Variants in DLC1 observed in about 807,000 individuals in gnomAD.
DLC1 encodes DLC1 Rho GTPase activating protein.
Under a neutral mutation model 140.3 loss-of-function variants are expected in DLC1, and 54 were observed. The observed-to-expected ratio is 0.38, with a 90% CI of 0.31 to 0.48. The LOEUF (loss-of-function observed/expected upper bound fraction) is 0.48. Ranked by LOEUF, DLC1 falls within the 20% of genes least tolerant of loss-of-function variation. The pLI, the probability that DLC1 is intolerant of heterozygous loss-of-function variation, is 0.96. For missense variants in DLC1, 2,536 were observed against 1,907.0 expected (o/e 1.33, Z -6.14); for synonymous variants, 986 against 728.1 (o/e 1.35, Z -5.70).
chr8:13,265,995 A>T (rs1252835839), intron 5 of DLC1, among the ~76,000 whole-genome samples: 1 of 152,200 alleles, frequency 6.6e-6, no homozygotes, highest in African/African-American at 2.4e-5. Flanking sequence ...TTGTGCAATG[A>T]TTATGCGGAG....
chr8:13,366,763 G>T (rs139300183), intron 4 of DLC1, among the ~76,000 whole-genome samples: 1 of 152,152 alleles, frequency 6.6e-6, no homozygotes, highest in Non-Finnish European at 1.5e-5. Context: ...ACACAGGAAA[G>T]ATCTTTCCAG....
chr8:13,458,426 T>C (rs570134404), intron 2 of DLC1, among the ~76,000 whole-genome samples: 1 of 152,244 alleles, frequency 6.6e-6, no homozygotes, highest in Non-Finnish European at 1.5e-5. Flanking sequence ...AATTGAAGTT[T>C]TGATTTTTTT....
intron 1 of DLC1, among the ~76,000 whole-genome samples, chr8:13,502,267 A>G (rs953274395): frequency 6.6e-6 from 1 of 152,226 alleles, no homozygotes; most frequent in East Asian, 1.9e-4. Context: ...TATAAATAAG[A>G]TAAATCCAAT....
chr8:13,287,564 C>A (rs780123054), intron 5 of DLC1, among the ~76,000 whole-genome samples: 1 of 152,174 alleles, frequency 6.6e-6, no homozygotes, highest in Non-Finnish European at 1.5e-5. Flanking sequence ...TGAATTAAAC[C>A]CTTGTTGGTA....
chr8:13,284,126 C>A (rs968832539), intron 5 of DLC1, among the ~76,000 whole-genome samples: 1 of 152,248 alleles, frequency 6.6e-6, no homozygotes, highest in East Asian at 1.9e-4. Flanking sequence ...TCAGGAAATA[C>A]GGAGCATTAG....
rs1303075408 is a variant in DLC1, at chr8:13,418,954, G to A, written c.1024-17335C>T. ...CGTCCCTTGTAAGTTGGATTCCTAA[G>A]TATTTTATTCTCTTTGAAGCAATTG... On this transcript the variant is annotated intron_variant, in intron 2 of 17. Coordinates refer to ENST00000276297, the MANE Select transcript of DLC1 (RefSeq NM_182643.3). 4.0e-5 allele frequency among the ~76,000 whole-genome samples: 6 copies of A among 151,800 alleles called. No individual in the cohort carries two copies. In the South Asian group the frequency reaches 1.2e-3, roughly 32 times the overall value.
intron 4 of DLC1, among the ~76,000 whole-genome samples, chr8:13,324,548 G>C (rs567146892): frequency 1.7e-5 from 2 of 120,670 alleles, no homozygotes; most frequent in South Asian, 5.6e-4. Flanking sequence ...CATCCAGCCT[G>C]GGCAAAAGAG....
intron 1 of DLC1, among the ~76,000 whole-genome samples, chr8:13,575,499 A>T (rs1804807463): frequency 6.7e-6 from 1 of 148,590 alleles, no homozygotes; most frequent in South Asian, 2.2e-4. Context: ...ATGTCCTGCC[A>T]CACCAAATAA....
In DLC1 at chr8:13,325,532, T is replaced by A. The variant is rs1455161509; in HGVS notation, c.1315-20230A>T. Among the ~76,000 whole-genome samples the A allele has an allele frequency of 2.6e-5, 4 of 152,108 alleles. No individual in the cohort carries two copies. The East Asian group carries it at 7.7e-4, about 29-fold the overall frequency. The stretch of plus-strand genomic sequence containing the variant: ...GGTGTAAAATATAAAAGCTGGTTGA[T>A]GAGTGGGTAGTTTCTGAAGCCTGAT... On this transcript the variant is annotated intron_variant, in intron 4 of 17. Coordinates refer to ENST00000276297, the MANE Select transcript of DLC1 (RefSeq NM_182643.3).
intron 5 of DLC1, among the ~76,000 whole-genome samples, chr8:13,153,519 G>A (rs1016596627): frequency 2.0e-5 from 3 of 152,184 alleles, no homozygotes; most frequent in Admixed American, 6.5e-5. Context: ...CGCCACTGCT[G>A]GCTCCAGCAG....
chr8:13,104,259 G>T (rs1252714524), intron 7 of DLC1, among the ~76,000 whole-genome samples: 1 of 149,838 alleles, frequency 6.7e-6, no homozygotes, highest in Admixed American at 6.7e-5. Context: ...CCATCCTATT[G>T]TCATTTTGAT....
chr8:13,290,978 G>C (rs940666535), intron 5 of DLC1, among the ~76,000 whole-genome samples: 3 of 152,094 alleles, frequency 2.0e-5, no homozygotes, highest in African/African-American at 7.2e-5. Flanking sequence ...GCGCGATCTT[G>C]GCTCCCTGCA....
At chr8:13,460,386 C>G (rs958656068) in intron 2 of DLC1, among the ~76,000 whole-genome samples, 2 of 152,190 alleles carry the variant, frequency 1.3e-5, no homozygotes, top group African/African-American at 2.4e-5. Flanking sequence ...ACAGATTCAC[C>G]GTAAGCTCAC....
chr8:13,280,619 T>C (rs1263734177), intron 5 of DLC1, among the ~76,000 whole-genome samples: 3 of 152,212 alleles, frequency 2.0e-5, no homozygotes. Flanking sequence ...TTATAGTGTT[T>C]CTAGGTTCCA....
At chr8:13,255,196 C>G (rs552215079) in intron 5 of DLC1, among the ~76,000 whole-genome samples, 12 of 152,238 alleles carry the variant, frequency 7.9e-5, no homozygotes, top group African/African-American at 2.9e-4. Context: ...GTCTCGAACT[C>G]CTGACCTCAA....
At chr8:13,338,981 T>C (rs1012396880) in intron 4 of DLC1, among the ~76,000 whole-genome samples, 2 of 152,190 alleles carry the variant, frequency 1.3e-5, no homozygotes, top group Non-Finnish European at 2.9e-5. Context: ...CACATACTGA[T>C]TTGAATTTTT....
intron 2 of DLC1, among the ~76,000 whole-genome samples, chr8:13,494,947 T>C (rs1464215312): frequency 6.6e-6 from 1 of 152,104 alleles, no homozygotes; most frequent in Non-Finnish European, 1.5e-5. Context: ...CAAGACTCCA[T>C]CTCAAAGAAA....
chr8:13,420,734 C>T (rs1290307871), intron 2 of DLC1, among the ~76,000 whole-genome samples: 2 of 152,112 alleles, frequency 1.3e-5, no homozygotes, highest in African/African-American at 4.8e-5. Context: ...ATCACATGAA[C>T]ACGTTCTTTT....
At chr8:13,298,408 C>G (rs989777600) in intron 5 of DLC1, among the ~76,000 whole-genome samples, 1 of 152,154 alleles carries the variant, frequency 6.6e-6, no homozygotes, top group Non-Finnish European at 1.5e-5. Flanking sequence ...AAATAAAAAG[C>G]TTTAGAATCG....
Sources: allele counts gnomAD v4.1 joint callset (sites outside exome capture counted in the v4.1 genomes callset), GRCh38; gene constraint gnomAD v4.1.1; transcripts MANE v1.5; gene names NCBI Gene and HGNC (gene_info 2026-07-23, HGNC 2026-07-21).